The following SIK2 variants were observed in gnomAD, a reference collection of about 807,000 sequenced individuals.
SIK2 encodes serine/threonine-protein kinase SIK2.
A neutral mutation model predicts 103.2 loss-of-function variants in SIK2; 29 were observed. The ratio of observed to expected loss-of-function variants is 0.28; its 90% CI spans 0.21 to 0.38. The LOEUF (loss-of-function observed/expected upper bound fraction) is 0.38. Ranked by LOEUF, SIK2 falls within the 10% of genes least tolerant of loss-of-function variation. SIK2 has a pLI of 1.00. For missense variants in SIK2, 879 were observed against 1,171.0 expected, an observed-to-expected ratio of 0.75 and a Z score of 3.64; for synonymous variants, 412 against 446.1, an observed-to-expected ratio of 0.92 and a Z score of 0.96.
intron 4 of SIK2, 80 bp from the exon 5 acceptor site, chr11:111,700,806 A>T: frequency 6.5e-7 from 1 of 1,535,718 alleles, no homozygotes; most frequent in East Asian, 2.3e-5. Context: ...TTAATATAGC[A>T]TATTAGAAAA....
intron 4 of SIK2, among the ~76,000 whole-genome samples, chr11:111,700,053 C>G (rs552916136): frequency 6.6e-6 from 1 of 152,130 alleles, no homozygotes; most frequent in Non-Finnish European, 1.5e-5. Flanking sequence ...TTTGTTTCTT[C>G]GGTAAGAATA....
At chr11:111,672,611 A>T (rs540772352) in intron 3 of SIK2, among the ~76,000 whole-genome samples, 2 of 152,264 alleles carry the variant, frequency 1.3e-5, no homozygotes, top group East Asian at 3.9e-4. Context: ...AGGAAGGAAG[A>T]TGGTGGAAAA....
chr11:111,615,983 T>C (rs1364890823), intron 1 of SIK2, among the ~76,000 whole-genome samples: 1 of 152,206 alleles, frequency 6.6e-6, no homozygotes. Context: ...AAAAAGACAT[T>C]ACCATTGTAC....
intron 3 of SIK2, among the ~76,000 whole-genome samples, chr11:111,646,813 AGTT>A (rs990706952): frequency 3.9e-5 from 6 of 152,080 alleles, no homozygotes; most frequent in South Asian, 2.1e-4. Flanking sequence ...TTTATTGCTG[AGTT>A]GTTGTCTCTT....
intron 3 of SIK2, among the ~76,000 whole-genome samples, chr11:111,659,217 C>T (rs1942436280): frequency 6.6e-6 from 1 of 151,982 alleles, no homozygotes; most frequent in Admixed American, 6.6e-5. Flanking sequence ...TTTAATTTTG[C>T]AATTTTACTG....
intron 3 of SIK2, among the ~76,000 whole-genome samples, chr11:111,669,906 C>T (rs1942601587): frequency 6.6e-6 from 1 of 151,992 alleles, no homozygotes; most frequent in Admixed American, 6.6e-5. Flanking sequence ...TTTTTTAATA[C>T]TTTTTTAATT....
Position 111,719,901 on chromosome 11 carries a change from G to A in SIK2, c.1393G>A (p.Asp465Asn). The A allele has an allele frequency of 6.2e-7, 1 of 1,614,168 alleles. No individual in the cohort carries two copies. The highest frequency in any genetic ancestry group is 8.5e-7 in the Non-Finnish European group (1 of 1,180,020). Residue 465 changes from aspartate (D) to asparagine (N), a missense_variant, in exon 10 of 15, where the codon GAC (aspartate) becomes AAC (asparagine). Physicochemically the swap from Asp to Asn is conservative, Grantham distance 23. Coordinates refer to ENST00000304987, the MANE Select transcript of SIK2 (RefSeq NM_015191.3). Reference sequence around the variant, plus strand: ...GGAGACAGAAGGAGAGGCCGAGGAAGACCCCGCTCATGCCTTTGAGGCATT... The same window carrying A: ...GGAGACAGAAGGAGAGGCCGAGGAAAACCCCGCTCATGCCTTTGAGGCATT... Reference protein sequence around the residue: ...GLETEGEAEEDPAHAFEAFQS... With the variant: ...GLETEGEAEENPAHAFEAFQS...
At position 111,701,498 on chromosome 11, in the gene SIK2, T is replaced by A; in HGVS notation, c.650T>A (p.Phe217Tyr). 1 of 1,613,988 alleles carries A rather than the reference T, an allele frequency of 6.2e-7. No homozygotes were observed. Residue 217 changes from phenylalanine to tyrosine, a missense_variant, in exon 6 of 15, where the codon TTT becomes TAT. Physicochemically the swap from Phe to Tyr is conservative, Grantham distance 22 (BLOSUM62 3). This residue lies in a region of SIK2 where 126 missense variants were observed against 245.5 expected (regional missense o/e 0.51). Transcript: ENST00000304987. This position sits in a 1 kb window ranked among gnomAD's most constrained non-coding sequence, Gnocchi z 4.2. The stretch of plus-strand genomic sequence containing the variant: ...GTCCTTGTCTGTGGAGCTCTGCCCT[T>A]TGATGGACCGACTCTTCCAATTTTG... ...LYVLVCGALP[F>Y]DGPTLPILRQ...
chr11:111,725,018 C>G lies in SIK2; in HGVS notation c.*889C>G, dbSNP rs1943924009. On this transcript the variant is annotated 3_prime_UTR_variant, in exon 15 of 15. Transcript: ENST00000304987. ...TCGGTCTCCAGGGTACCTGTTGTCT[C>G]TTTTCCGATGTAATAACTACTTTGA... 6.6e-6 allele frequency: 1 copy of G among 152,592 alleles called. No individual in the cohort carries two copies. Among genetic ancestry groups the G allele is most frequent in the Non-Finnish European group, 1.5e-5 (1 of 68,048 alleles). 9.5% of individuals were successfully genotyped at this position (152,592 alleles called of 1,614,324 possible). A position where few individuals can be genotyped will look rare whatever the true frequency, so the allele number is the denominator to read the frequency against.
chr11:111,635,555 G>A (rs966809672), intron 3 of SIK2, among the ~76,000 whole-genome samples: 2 of 152,012 alleles, frequency 1.3e-5, no homozygotes, highest in East Asian at 1.9e-4. Flanking sequence ...AACTTTCTAC[G>A]CCTAAATAGT....
intron 9 of SIK2, among the ~76,000 whole-genome samples, chr11:111,712,943 T>C (rs976606972): frequency 9.9e-5 from 15 of 152,268 alleles, no homozygotes; most frequent in African/African-American, 3.4e-4. Flanking sequence ...GGCGGGCAGA[T>C]TGCCTGAGCT....
intron 3 of SIK2, among the ~76,000 whole-genome samples, chr11:111,652,423 A>G (rs1401275795): frequency 2.0e-5 from 3 of 152,160 alleles, no homozygotes; most frequent in Non-Finnish European, 4.4e-5. Flanking sequence ...TTTTGCCAAG[A>G]ATTGCGGTGA....
At chr11:111,719,013 G>A (rs865863878) in intron 9 of SIK2, among the ~76,000 whole-genome samples, 1 of 152,174 alleles carries the variant, frequency 6.6e-6, no homozygotes, top group East Asian at 1.9e-4. Context: ...GCTGTGCTGC[G>A]CTCACCCCTG....
intron 1 of SIK2, among the ~76,000 whole-genome samples, chr11:111,607,300 G>A (rs542701923): frequency 6.6e-6 from 1 of 152,256 alleles, no homozygotes; most frequent in African/African-American, 2.4e-5. Flanking sequence ...GCATTTTGGG[G>A]ATTTTATAGT....
intron 3 of SIK2, among the ~76,000 whole-genome samples, chr11:111,641,021 C>T (rs1255946514): frequency 6.6e-6 from 1 of 152,150 alleles, no homozygotes; most frequent in Non-Finnish European, 1.5e-5. Context: ...GTAAAGGCCT[C>T]AGTGAACTAA....
intron 3 of SIK2, among the ~76,000 whole-genome samples, chr11:111,644,402 GT>G (rs1464282933): frequency 6.6e-6 from 1 of 151,474 alleles, no homozygotes; most frequent in Admixed American, 6.6e-5. Context: ...AAAAAAAAAG[GT>G]TTTTTTCAAA....
intron 2 of SIK2, among the ~76,000 whole-genome samples, chr11:111,618,688 A>G (rs1243617555): frequency 6.6e-6 from 1 of 152,174 alleles, no homozygotes; most frequent in Non-Finnish European, 1.5e-5. Flanking sequence ...TAAATAATTA[A>G]TTAATTAATT....
intron 3 of SIK2, chr11:111,683,045 A>C (rs967791441): frequency 6.6e-6 from 1 of 152,236 alleles, no homozygotes; most frequent in African/African-American, 2.4e-5. Flanking sequence ...AACAATTAGA[A>C]CCAAAATAAA....
In SIK2 at chr11:111,725,027, T is replaced by C. The variant is rs1943924384; in HGVS notation, c.*898T>C. On this transcript the variant is annotated 3_prime_UTR_variant, in exon 15 of 15. Coordinates refer to ENST00000304987, the MANE Select transcript of SIK2 (RefSeq NM_015191.3). ...AGGGTACCTGTTGTCTCTTTTCCGATGTAATAACTACTTTGACCTTACACT... is the reference window on the plus strand; with the variant it reads ...AGGGTACCTGTTGTCTCTTTTCCGACGTAATAACTACTTTGACCTTACACT... 1 of 152,656 alleles carries C rather than the reference T, an allele frequency of 6.6e-6. No homozygotes were observed. The highest frequency in any genetic ancestry group is 1.5e-5 in the Non-Finnish European group (1 of 68,052). 9.5% of individuals were successfully genotyped at this position (152,656 alleles called of 1,614,324 possible).
Sources: allele counts gnomAD v4.1 joint callset (sites outside exome capture counted in the v4.1 genomes callset), GRCh38; gene constraint gnomAD v4.1.1; regional missense constraint gnomAD v4.1.1; non-coding constraint Gnocchi (gnomAD v3.1); transcripts MANE v1.5; gene names NCBI Gene and HGNC (gene_info 2026-07-23, HGNC 2026-07-21).